Variants in PACC1 observed in about 807,000 individuals in gnomAD.
PACC1 encodes proton-activated chloride channel.
In PACC1, 34 loss-of-function variants were observed where a neutral mutation model predicts 39.7. The observed-to-expected ratio is 0.86, with a 90% CI of 0.65 to 1.14. The LOEUF (loss-of-function observed/expected upper bound fraction) is 1.14. Ranked by LOEUF, PACC1 falls within the 50% of genes most tolerant of loss-of-function variation. PACC1 has a pLI of 0.00. For synonymous variants in PACC1, 127 were observed against 160.6 expected, an observed-to-expected ratio of 0.79 and a Z score of 1.58; for missense variants, 379 against 436.4, an observed-to-expected ratio of 0.87 and a Z score of 1.17.
intron 4 of PACC1, among the ~76,000 whole-genome samples, chr1:212,382,834 G>A (rs1193354671): frequency 2.0e-5 from 3 of 152,204 alleles, no homozygotes; most frequent in African/African-American, 7.2e-5. Flanking sequence ...TTACCACCAA[G>A]GCAGAAGCTC....
At chr1:212,391,003 C>A (rs1661298374) in intron 2 of PACC1, among the ~76,000 whole-genome samples, 1 of 152,236 alleles carries the variant, frequency 6.6e-6, no homozygotes, top group South Asian at 2.1e-4. Context: ...TCTGTAGGCT[C>A]CACCTCTGGG....
At chr1:212,393,296 T>C (rs1371876750) in intron 2 of PACC1, among the ~76,000 whole-genome samples, 1 of 152,072 alleles carries the variant, frequency 6.6e-6, no homozygotes, top group Non-Finnish European at 1.5e-5. Flanking sequence ...TCAAAACCCC[T>C]CAACTACATG....
At chr1:212,375,104 G>T in intron 7 of PACC1, 89 bp downstream of exon 7, 1 of 1,061,308 alleles carries the variant, frequency 9.4e-7, no homozygotes, top group Non-Finnish European at 1.4e-6. Flanking sequence ...CTTCAGGGCA[G>T]CATCATAATC....
At chr1:212,392,848 C>A (rs1661374687) in intron 2 of PACC1, among the ~76,000 whole-genome samples, 1 of 151,464 alleles carries the variant, frequency 6.6e-6, no homozygotes, top group Non-Finnish European at 1.5e-5. Context: ...AAGGCCATTA[C>A]ATAATGGTAA....
chr1:212,387,539 T>C, intron 2 of PACC1: 1 of 174,604 alleles, frequency 5.7e-6, no homozygotes, highest in Admixed American at 5.6e-5. Context: ...CTCCCAGCTC[T>C]AGCTCCACCT....
intron 5 of PACC1, among the ~76,000 whole-genome samples, chr1:212,379,078 G>T (rs2102483650): frequency 6.6e-6 from 1 of 151,932 alleles, no homozygotes. Flanking sequence ...TGAGTAGCTG[G>T]GACTACAGGT....
intron 7 of PACC1, among the ~76,000 whole-genome samples, chr1:212,370,431 T>TGCA (rs1277105472): frequency 2.6e-5 from 4 of 152,240 alleles, no homozygotes. Flanking sequence ...TTCACACCAC[T>TGCA]GCACTCCAGC....
intron 2 of PACC1, among the ~76,000 whole-genome samples, chr1:212,393,457 A>T (rs1434857998): frequency 2.6e-5 from 4 of 152,222 alleles, no homozygotes; most frequent in African/African-American, 9.6e-5. Context: ...GGAAATTTAT[A>T]GCACTAAATG....
intron 4 of PACC1, among the ~76,000 whole-genome samples, chr1:212,384,637 G>T (rs1661030160): frequency 1.3e-5 from 2 of 152,184 alleles, no homozygotes; most frequent in Admixed American, 6.5e-5. Context: ...AATATGAAAT[G>T]AAAAAGATGA....
intron 6 of PACC1, among the ~76,000 whole-genome samples, chr1:212,376,384 A>G (rs750197902): frequency 3.3e-5 from 5 of 152,212 alleles, no homozygotes; most frequent in Non-Finnish European, 5.9e-5. Context: ...CTTCCAATTT[A>G]GACAGTAATA....
intron 2 of PACC1, among the ~76,000 whole-genome samples, chr1:212,399,917 T>G (rs12062818): frequency 0.053 from 8,128 of 152,108 alleles, 336 homozygotes; most frequent in Admixed American, 0.11. Flanking sequence ...CAATCTTGGT[T>G]CACCGCAACC....
intron 1 of PACC1, among the ~76,000 whole-genome samples, chr1:212,412,965 T>C (rs2102552205): frequency 6.6e-6 from 1 of 152,290 alleles, no homozygotes; most frequent in African/African-American, 2.4e-5. Flanking sequence ...GCTCAGAAAG[T>C]TATGTGACTC....
At chr1:212,394,565 A>G (rs1350871042) in intron 2 of PACC1, among the ~76,000 whole-genome samples, 1 of 152,182 alleles carries the variant, frequency 6.6e-6, no homozygotes, top group Non-Finnish European at 1.5e-5. Context: ...TATTCAACAT[A>G]GTGTTGGAAG....
intron 7 of PACC1, among the ~76,000 whole-genome samples, chr1:212,370,423 C>T (rs1258702228): frequency 1.3e-5 from 2 of 152,230 alleles, no homozygotes; most frequent in Non-Finnish European, 2.9e-5. Context: ...GAGCCGAGTT[C>T]ACACCACTGC....
chr1:212,376,920 T>G (rs1365471809), intron 6 of PACC1: 2 of 152,272 alleles, frequency 1.3e-5, no homozygotes, highest in East Asian at 3.8e-4. Context: ...CTTTTTTTAC[T>G]ATTTATTTTT....
chr1:212,373,297 A>G (rs1007895007), intron 7 of PACC1, among the ~76,000 whole-genome samples: 30 of 152,208 alleles, frequency 2.0e-4, no homozygotes, highest in African/African-American at 7.2e-4. Context: ...AAAATTGGAT[A>G]TCCATATGCA....
intron 2 of PACC1, chr1:212,410,189 T>C (rs958147693): frequency 2.0e-6 from 1 of 503,228 alleles, no homozygotes; most frequent in African/African-American, 1.9e-5. Flanking sequence ...TGCCATTGTA[T>C]GCAATGACCT....
chr1:212,387,196 G>A, intron 2 of PACC1, 96 bp from the exon 3 acceptor site: 2 of 1,272,300 alleles, frequency 1.6e-6, no homozygotes, highest in East Asian at 2.5e-5. Flanking sequence ...CCTCACCAAG[G>A]AGGTGAAGTC....
chr1:212,381,946 C>T (rs186838446), intron 4 of PACC1, among the ~76,000 whole-genome samples: 213 of 152,378 alleles, frequency 1.4e-3, no homozygotes, highest in African/African-American at 4.7e-3. Context: ...GCTTCTCCCT[C>T]ATCTCAGCCA....
Sources: gnomAD v4.1 joint callset for allele counts (sites outside exome capture counted in the v4.1 genomes callset) on GRCh38, gnomAD v4.1.1 for gene constraint, MANE v1.5 for transcripts, NCBI Gene and HGNC (gene_info 2026-07-23, HGNC 2026-07-21) for gene names.